LRRTM4: variants seen among roughly 807,000 people sequenced by gnomAD.
The protein encoded by LRRTM4 is leucine rich repeat transmembrane neuronal 4, also known as leucine-rich repeat transmembrane neuronal protein 4.
LRRTM4 carries 25 observed loss-of-function variants against 47.6 expected under a neutral mutation model. The ratio of observed to expected loss-of-function variants is 0.53; its 90% CI spans 0.38 to 0.73. The LOEUF (loss-of-function observed/expected upper bound fraction) is 0.73, where lower values mean the gene tolerates loss of function less well. Among genes scored for constraint, LRRTM4 ranks in the 30% least tolerant of loss-of-function variants. The pLI is 0.00. For missense variants in LRRTM4, 638 were observed against 713.4 expected (o/e 0.89, Z 1.20); for synonymous variants, 311 against 269.5 (o/e 1.15, Z -1.51).
intron 3 of LRRTM4, among the ~76,000 whole-genome samples, chr2:76,904,445 C>T (rs1316826428): frequency 6.6e-6 from 1 of 152,180 alleles, no homozygotes; most frequent in Admixed American, 6.5e-5. Context: ...TTACGCTTTA[C>T]AATTCCATAT....
intron 3 of LRRTM4, among the ~76,000 whole-genome samples, chr2:76,781,608 T>C (rs1408256795): frequency 1.3e-5 from 2 of 152,242 alleles, no homozygotes; most frequent in East Asian, 3.9e-4. Flanking sequence ...TCGCCCTGCT[T>C]CGGCTCGCGC....
chr2:77,462,028 G>C (rs1676808385), intron 3 of LRRTM4, among the ~76,000 whole-genome samples: 1 of 152,104 alleles, frequency 6.6e-6, no homozygotes, highest in Non-Finnish European at 1.5e-5. Flanking sequence ...AACAACTGAA[G>C]AGTCTTTTTT....
chr2:76,756,290 C>T (rs971714676), intron 3 of LRRTM4, among the ~76,000 whole-genome samples: 2 of 152,012 alleles, frequency 1.3e-5, no homozygotes, highest in African/African-American at 4.8e-5. Context: ...ACCTGTAAGC[C>T]CTGGCTTCCG....
chr2:77,401,879 C>A (rs1038453092), intron 3 of LRRTM4, among the ~76,000 whole-genome samples: 1 of 151,864 alleles, frequency 6.6e-6, no homozygotes, highest in Non-Finnish European at 1.5e-5. Context: ...TAGAATATAA[C>A]CAAAATGCTC....
intron 3 of LRRTM4, among the ~76,000 whole-genome samples, chr2:77,501,327 C>T (rs1391187333): frequency 6.7e-6 from 1 of 150,134 alleles, no homozygotes; most frequent in East Asian, 2.0e-4. Flanking sequence ...TATATGAAAA[C>T]ATATATGAAT....
intron 3 of LRRTM4, among the ~76,000 whole-genome samples, chr2:77,297,523 C>T (rs1169944255): frequency 6.6e-6 from 1 of 152,130 alleles, no homozygotes; most frequent in African/African-American, 2.4e-5. Context: ...AGGCATCTTC[C>T]TCATGCGTGA....
intron 3 of LRRTM4, among the ~76,000 whole-genome samples, chr2:77,207,372 T>TATATATATATATATATATAC (rs59335400): frequency 1.4e-4 from 18 of 131,088 alleles, no homozygotes; most frequent in African/African-American, 5.5e-4. Flanking sequence ...TATATATATA[T>TATATATATATATATATATAC]ACACACACAC....
chr2:77,288,434 A>T (rs2104119981), intron 3 of LRRTM4, among the ~76,000 whole-genome samples: 1 of 152,066 alleles, frequency 6.6e-6, no homozygotes, highest in East Asian at 1.9e-4. Context: ...TGAAAAGCTG[A>T]TCTTTCTGAA....
chr2:77,492,534 C>A (rs1054064025), intron 3 of LRRTM4, among the ~76,000 whole-genome samples: 3 of 152,104 alleles, frequency 2.0e-5, no homozygotes, highest in Admixed American at 6.6e-5. Context: ...TCTGGAGTTA[C>A]AAGTGTGAGC....
At chr2:76,996,767 A>G (rs988180896) in intron 3 of LRRTM4, among the ~76,000 whole-genome samples, 10 of 152,068 alleles carry the variant, frequency 6.6e-5, no homozygotes, top group Admixed American at 6.6e-5. Flanking sequence ...TGCTGAGAAA[A>G]AAATGTTAAA....
At chr2:76,940,073 C>A (rs923625370) in intron 3 of LRRTM4, among the ~76,000 whole-genome samples, 6 of 152,118 alleles carry the variant, frequency 3.9e-5, no homozygotes, top group African/African-American at 1.4e-4. Flanking sequence ...TTGTGGAAAA[C>A]AGTGTGTCCA....
In LRRTM4 at chr2:76,764,382, A is replaced by G. The variant is rs557523057; in HGVS notation, c.1552-15466T>C. ...CGCAGTGGCTCACGCCTGTAATCCC[A>G]GTACTTTGGAAGGCCAAGGCGGGCA... On this transcript the variant is annotated intron_variant, in intron 3 of 3. Transcript: ENST00000409884. Among the ~76,000 whole-genome samples the G allele has an allele frequency of 2.6e-5, 4 of 152,342 alleles. No individual in the cohort carries two copies. The East Asian group carries it at 7.7e-4, about 30-fold the overall frequency.
chr2:77,385,269 A>C (rs2103801033), intron 3 of LRRTM4, among the ~76,000 whole-genome samples: 1 of 152,268 alleles, frequency 6.6e-6, no homozygotes, highest in South Asian at 2.1e-4. Context: ...TCCATTAATA[A>C]TTTTAACTGT....
chr2:77,421,633 G>A (rs1674892277), intron 3 of LRRTM4, among the ~76,000 whole-genome samples: 1 of 151,294 alleles, frequency 6.6e-6, no homozygotes, highest in Non-Finnish European at 1.5e-5. Context: ...CGTGAACCCG[G>A]GAGGCGGAGC....
chr2:77,136,646 GAGA>G (rs1252241479), intron 3 of LRRTM4, among the ~76,000 whole-genome samples: 6 of 152,210 alleles, frequency 3.9e-5, no homozygotes, highest in Non-Finnish European at 7.3e-5. Context: ...TATGAGTTGA[GAGA>G]AGAAGCCTTC....
intron 3 of LRRTM4, among the ~76,000 whole-genome samples, chr2:77,380,481 T>C (rs1673008888): frequency 6.6e-6 from 1 of 152,154 alleles, no homozygotes; most frequent in South Asian, 2.1e-4. Context: ...GGCAGAAATT[T>C]AAACTTGCAG....
chr2:77,170,449 C>T (rs562211910), intron 3 of LRRTM4, among the ~76,000 whole-genome samples: 1 of 152,214 alleles, frequency 6.6e-6, no homozygotes, highest in South Asian at 2.1e-4. Context: ...CCCATAGAGT[C>T]CCCAGAAAGT....
chr2:77,241,223 CACACACACACACACACACACACAT>C (rs1488328586), intron 3 of LRRTM4, among the ~76,000 whole-genome samples: 2 of 110,230 alleles, frequency 1.8e-5, no homozygotes, highest in Admixed American at 9.8e-5. Context: ...CACACACACA[CACACACACACACACACACACACAT>C]GGGTCTAGAA....
intron 3 of LRRTM4, among the ~76,000 whole-genome samples, chr2:76,922,377 C>T (rs1208270235): frequency 1.3e-5 from 2 of 151,962 alleles, no homozygotes; most frequent in African/African-American, 2.4e-5. Context: ...AGAGAGAGAG[C>T]GTGCACAAAG....
Sources: allele counts gnomAD v4.1 joint callset (sites outside exome capture counted in the v4.1 genomes callset), GRCh38; gene constraint gnomAD v4.1.1; transcripts MANE v1.5; gene names NCBI Gene and HGNC (gene_info 2026-07-23, HGNC 2026-07-21).